The following YKT6 variants were observed in gnomAD, a reference collection of about 807,000 sequenced individuals.
The protein encoded by YKT6 is synaptobrevin homolog YKT6.
Under a neutral mutation model 29.3 loss-of-function variants are expected in YKT6, and 12 were observed. The observed-to-expected ratio is 0.41, with a 90% confidence interval of 0.26 to 0.66. The LOEUF (loss-of-function observed/expected upper bound fraction) is 0.66. YKT6 is among the 30% of genes least tolerant of loss of function. The pLI, the probability that YKT6 is intolerant of heterozygous loss-of-function variation, is 0.32. For missense variants in YKT6, 188 were observed against 243.8 expected, an observed-to-expected ratio of 0.77 and a Z score of 1.52; for synonymous variants, 86 against 94.3, an observed-to-expected ratio of 0.91 and a Z score of 0.51.
At position 44,212,926 on chromosome 7, in the gene YKT6, G is replaced by A. The variant is rs2096348464; in HGVS notation, c.*644G>A. The A allele has an allele frequency of 6.6e-6, 1 of 152,272 alleles. No homozygotes were observed. The highest frequency in any genetic ancestry group is 2.4e-5 in the African/African-American group (1 of 41,472). The allele number at this position is 152,272 out of a possible 1,614,324, so 9.4% of individuals were successfully genotyped here. A position where few individuals can be genotyped will look rare whatever the true frequency, so the allele number is the denominator to read the frequency against. ...CCGCAGAGGGCAGGGCCCATCCTAA[G>A]CAGCTTCCAAGTCCCACAAAGGTGG... is the stretch of plus-strand genomic sequence containing the variant. On this transcript the variant is annotated 3_prime_UTR_variant, in exon 7 of 7. Transcript: ENST00000223369.
intron 6 of YKT6, among the ~76,000 whole-genome samples, chr7:44,211,932 T>TGTATTATTG (rs2096347246): frequency 6.6e-6 from 1 of 152,254 alleles, no homozygotes; most frequent in Non-Finnish European, 1.5e-5. Context: ...CAATCCCATT[T>TGTATTATTG]GTATTATTGG....
At chr7:44,202,519 CAT>C (rs1219482216) in intron 1 of YKT6, among the ~76,000 whole-genome samples, 1 of 152,228 alleles carries the variant, frequency 6.6e-6, no homozygotes, top group Non-Finnish European at 1.5e-5. Context: ...TAAATGGAAT[CAT>C]ATAGTTTTTG....
intron 3 of YKT6, 93 bp downstream of exon 3, chr7:44,206,578 G>T: frequency 8.9e-7 from 1 of 1,121,812 alleles, no homozygotes; most frequent in East Asian, 2.4e-5. Context: ...TGAGACATAA[G>T]GGATGAAATG....
chr7:44,207,426 C>T lies in YKT6; in HGVS notation c.327C>T (p.Asp109=). Reference sequence around the variant, plus strand: ...TCTCCAAGCAAGTCGACAGGATAGACTGGCCAGTAGGATCCCCTGCTACAA... The same window carrying T: ...TCTCCAAGCAAGTCGACAGGATAGATTGGCCAGTAGGATCCCCTGCTACAA... ...DEFSKQVDRI[D]WPVGSPATIH... The change falls in exon 4 of 7, where the codon GAC becomes GAT. Residue 109 remains aspartate, a synonymous_variant. Coordinates refer to ENST00000223369, the MANE Select transcript of YKT6 (RefSeq NM_006555.4). 1.2e-6 allele frequency: 2 copies of T among 1,614,120 alleles called. No homozygotes were observed. The highest frequency in any genetic ancestry group is 1.7e-6 in the Non-Finnish European group (2 of 1,179,984).
chr7:44,200,995 G>T lies in YKT6; in HGVS notation c.-141G>T. 1 of 610,508 alleles carries T rather than the reference G, an allele frequency of 1.6e-6. No homozygotes were observed. The allele number at this position is 610,508 out of a possible 1,614,324, so 37.8% of individuals were successfully genotyped here. On this transcript the variant is annotated 5_prime_UTR_variant, in exon 1 of 7. Transcript: ENST00000223369. ...CCGGAAGTGGATTGCGAGCCAGGAGGAGGAAGCCGGCGGTGGCCCCGTCAG... is the reference window on the plus strand; with the variant it reads ...CCGGAAGTGGATTGCGAGCCAGGAGTAGGAAGCCGGCGGTGGCCCCGTCAG...
chr7:44,210,585 G>A (rs943737821), intron 5 of YKT6: 1 of 289,616 alleles, frequency 3.5e-6, no homozygotes, highest in Non-Finnish European at 6.8e-6. Context: ...GGTTGGGGTT[G>A]GGGGGTGCGG....
chr7:44,206,294 G>A (rs2096340789), intron 2 of YKT6, 91 bp from the exon 3 acceptor site: 26 of 1,344,750 alleles, frequency 1.9e-5, no homozygotes, highest in Non-Finnish European at 2.6e-5. Context: ...GCTTCATTTG[G>A]CCTAACATTG....
chr7:44,206,129 T>G (rs2096340538), intron 2 of YKT6, among the ~76,000 whole-genome samples: 1 of 152,180 alleles, frequency 6.6e-6, no homozygotes. Flanking sequence ...TCTGCACCAC[T>G]GGCTGTTTCT....
chr7:44,205,764 A>G (rs10278336), intron 2 of YKT6, among the ~76,000 whole-genome samples: 55,725 of 151,994 alleles, frequency 0.37, 10,892 homozygotes, highest in South Asian at 0.45. Flanking sequence ...GTACAACTGT[A>G]CCTTTCAATC....
chr7:44,210,990 A>G, intron 5 of YKT6, 33 bp from the exon 6 acceptor site: 2 of 1,610,916 alleles, frequency 1.2e-6, no homozygotes, highest in South Asian at 2.2e-5. Flanking sequence ...CACGTACTGA[A>G]CAGAGCTGGA....
rs1583642430 is a variant in YKT6, at chr7:44,200,997, G to A, written c.-139G>A. 1 of 620,180 alleles carries A rather than the reference G, an allele frequency of 1.6e-6. No homozygotes were observed. The highest frequency in any genetic ancestry group is 3.8e-5 in the Admixed American group (1 of 26,226). The allele number at this position is 620,180 out of a possible 1,614,324, so 38.4% of individuals were successfully genotyped here. A position where few individuals can be genotyped will look rare whatever the true frequency, so the allele number is the denominator to read the frequency against. ...GGAAGTGGATTGCGAGCCAGGAGGA[G>A]GAAGCCGGCGGTGGCCCCGTCAGCA... On this transcript the variant is annotated 5_prime_UTR_variant, in exon 1 of 7. Transcript: ENST00000223369.
chr7:44,211,468 T>G, intron 6 of YKT6: 1 of 890,006 alleles, frequency 1.1e-6, no homozygotes, highest in African/African-American at 1.8e-5. Flanking sequence ...TTATTCCTCT[T>G]TCTGCTGAGT....
At position 44,207,437 on chromosome 7, in the gene YKT6, G is replaced by C. The variant is rs1226032982; in HGVS notation, c.338G>C (p.Gly113Ala). 1 of 1,614,074 alleles carries C rather than the reference G, an allele frequency of 6.2e-7. No individual in the cohort carries two copies. The highest frequency in any genetic ancestry group is 1.1e-5 in the South Asian group (1 of 91,068). ...KQVDRIDWPVGSPATIHYPAL... is the reference protein window; with the variant it reads ...KQVDRIDWPVASPATIHYPAL... ...GTCGACAGGATAGACTGGCCAGTAG[G>C]ATCCCCTGCTACAATCCATTACCCA... Residue 113 changes from glycine (G) to alanine (A), a missense_variant, in exon 4 of 7, where the codon GGA (glycine) becomes GCA (alanine). Gly to Ala is a moderately conservative substitution (Grantham distance 60). Coordinates refer to ENST00000223369, the MANE Select transcript of YKT6 (RefSeq NM_006555.4).
Position 44,206,462 on chromosome 7 carries a change from G to C in YKT6, c.265G>C (p.Val89Leu), listed in dbSNP as rs754414111. ...TGCTGACAATGAATACCCATCCCGG[G>C]TGGCCTTTACCTTGCTGGAGAAGGT... ...VIADNEYPSR[V>L]AFTLLEKVLD... Residue 89 changes from valine to leucine, a missense_variant, in exon 3 of 7, where the codon GTG becomes CTG. Physicochemically the swap from Val to Leu is conservative, Grantham distance 32 (BLOSUM62 1). Transcript: ENST00000223369. 2 of 1,614,068 alleles carry C rather than the reference G, an allele frequency of 1.2e-6. No homozygotes were observed. Among genetic ancestry groups the C allele is most frequent in the Non-Finnish European group, 1.7e-6 (2 of 1,180,036 alleles).
chr7:44,210,832 A>G, intron 5 of YKT6, 191 bp from the exon 6 acceptor site: 1 of 652,426 alleles, frequency 1.5e-6, no homozygotes, highest in South Asian at 1.5e-5. Context: ...TTTCACGGGA[A>G]TGTCACCAGG....
At chr7:44,206,343 C>T in intron 2 of YKT6, 42 bp from the exon 3 acceptor site, 2 of 1,593,922 alleles carry the variant, frequency 1.3e-6, no homozygotes, top group Non-Finnish European at 1.7e-6. Context: ...AGTCTGAAGC[C>T]CTCATGTCAG....
chr7:44,208,258 C>A, intron 5 of YKT6, 60 bp downstream of exon 5: 1 of 1,559,142 alleles, frequency 6.4e-7, no homozygotes, highest in South Asian at 1.1e-5. Context: ...TTTCCACTGG[C>A]CAGGCATGCA....
chr7:44,211,589 T>C, intron 6 of YKT6: 5 of 1,010,968 alleles, frequency 4.9e-6, no homozygotes, highest in Admixed American at 5.3e-5. Flanking sequence ...TGCTGCTGAC[T>C]GCCGCTTTCT....
chr7:44,205,807 C>CTAAA (rs2128839162), intron 2 of YKT6, among the ~76,000 whole-genome samples: 1 of 152,328 alleles, frequency 6.6e-6, no homozygotes, highest in South Asian at 2.1e-4. Flanking sequence ...CTCTGGAGGC[C>CTAAA]TTAGCTGGCA....
Sources: gnomAD v4.1 joint callset for allele counts (sites outside exome capture counted in the v4.1 genomes callset) on GRCh38, gnomAD v4.1.1 for gene constraint, MANE v1.5 for transcripts, NCBI Gene and HGNC (gene_info 2026-07-23, HGNC 2026-07-21) for gene names.